DDX60L: variants seen among roughly 807,000 people sequenced by gnomAD.
The protein encoded by DDX60L is DExD/H-box 60 like.
A neutral mutation model predicts 211.6 loss-of-function variants in DDX60L; 191 were observed. The ratio of observed to expected loss-of-function variants is 0.90; its 90% CI spans 0.80 to 1.02. DDX60L has a LOEUF of 1.02. Ranked by LOEUF, DDX60L falls within the 50% of genes least tolerant of loss-of-function variation. The pLI, the probability that DDX60L is intolerant of heterozygous loss-of-function variation, is 0.00. For missense variants in DDX60L, 2,007 were observed against 1,984.1 expected (o/e 1.01, Z -0.22); for synonymous variants, 706 against 694.1 (o/e 1.02, Z -0.27).
chr4:168,469,629 A>C (rs1447350988), intron 4 of DDX60L: 1 of 152,232 alleles, frequency 6.6e-6, no homozygotes, highest in Non-Finnish European at 1.5e-5. Context: ...CTGTAATCCC[A>C]GCACTTTGGG....
At chr4:168,454,757 C>CT (rs1263885983) in intron 7 of DDX60L, among the ~76,000 whole-genome samples, 873 of 48,930 alleles carry the variant, frequency 0.018, 20 homozygotes, top group African/African-American at 0.051. Context: ...TAAACAGCTT[C>CT]CTTTTTTTTT....
In DDX60L at chr4:168,391,592, G is replaced by T; in HGVS notation, c.3863C>A (p.Ser1288Tyr). 1 of 1,598,420 alleles carries T rather than the reference G, an allele frequency of 6.3e-7. No individual in the cohort carries two copies. The highest frequency in any genetic ancestry group is 1.4e-5 in the African/African-American group (1 of 73,822). Residue 1288 changes from serine to tyrosine, a missense_variant, in exon 29 of 38, where the codon TCT becomes TAT. Physicochemically the swap from Ser to Tyr is moderately radical, Grantham distance 144 (BLOSUM62 -2). Coordinates refer to ENST00000682922, the MANE Select transcript of DDX60L (RefSeq NM_001012967.3). Reference sequence around the variant, plus strand: ...GACTGAGTCTTGGGCAAAAACAACAGATTTGCATGGCATGTGGATCCCTAA... The same window carrying T: ...GACTGAGTCTTGGGCAAAAACAACATATTTGCATGGCATGTGGATCCCTAA... ...LALGIHMPCK[S>Y]VVFAQDSVYL...
intron 13 of DDX60L, among the ~76,000 whole-genome samples, chr4:168,429,803 C>A (rs367743518): frequency 6.6e-6 from 1 of 152,154 alleles, no homozygotes; most frequent in African/African-American, 2.4e-5. Context: ...GTGACTTGTG[C>A]AAGATCTGGT....
intron 1 of DDX60L, among the ~76,000 whole-genome samples, chr4:168,476,809 A>G (rs1561152519): frequency 1.3e-5 from 2 of 152,226 alleles, no homozygotes; most frequent in Admixed American, 1.3e-4. Flanking sequence ...GGAGATAGCC[A>G]TGAAATTAGT....
chr4:168,394,007 G>A (rs891209778), intron 28 of DDX60L, among the ~76,000 whole-genome samples: 25 of 152,092 alleles, frequency 1.6e-4, no homozygotes, highest in African/African-American at 5.3e-4. Context: ...AGGCTGGCCC[G>A]TATGGTGAAA....
intron 36 of DDX60L, among the ~76,000 whole-genome samples, chr4:168,368,792 A>C (rs1224894603): frequency 1.3e-5 from 2 of 152,182 alleles, no homozygotes; most frequent in Non-Finnish European, 2.9e-5. Context: ...GAGTCAAAAG[A>C]GATCATTTTG....
chr4:168,359,157 T>C (rs572622381), intron 37 of DDX60L, among the ~76,000 whole-genome samples: 1 of 152,340 alleles, frequency 6.6e-6, no homozygotes, highest in East Asian at 1.9e-4. Context: ...TTCGTTTTCA[T>C]GCTCCACCTT....
chr4:168,456,615 TAGG>T (rs1756606673), intron 6 of DDX60L, among the ~76,000 whole-genome samples: 1 of 152,052 alleles, frequency 6.6e-6, no homozygotes, highest in Non-Finnish European at 1.5e-5. Flanking sequence ...AAAGTACAGG[TAGG>T]TATAGAATTT....
chr4:168,391,922 A>G (rs997706020), intron 28 of DDX60L, among the ~76,000 whole-genome samples: 2 of 152,138 alleles, frequency 1.3e-5, no homozygotes, highest in Non-Finnish European at 1.5e-5. Flanking sequence ...AATGTCCAAA[A>G]AGACTTCCTG....
intron 4 of DDX60L, among the ~76,000 whole-genome samples, chr4:168,463,394 T>A (rs1757573245): frequency 6.6e-6 from 1 of 152,114 alleles, no homozygotes; most frequent in African/African-American, 2.4e-5. Flanking sequence ...TGAGAACACA[T>A]GGACACATAC....
At chr4:168,402,415 G>C (rs1379075885) in intron 25 of DDX60L, among the ~76,000 whole-genome samples, 1 of 150,006 alleles carries the variant, frequency 6.7e-6, no homozygotes, top group African/African-American at 2.5e-5. Flanking sequence ...TCTATGACAA[G>C]AGTCCAGTGT....
intron 14 of DDX60L, among the ~76,000 whole-genome samples, chr4:168,425,114 C>G (rs574181963): frequency 6.6e-6 from 1 of 152,320 alleles, no homozygotes; most frequent in East Asian, 1.9e-4. Context: ...ATAGCGGAGC[C>G]TAAGTTCCCA....
intron 4 of DDX60L, among the ~76,000 whole-genome samples, chr4:168,467,509 A>G (rs1758164001): frequency 6.6e-6 from 1 of 151,224 alleles, no homozygotes; most frequent in African/African-American, 2.4e-5. Flanking sequence ...ATCTTTAGGC[A>G]ATAAGAGGAA....
chr4:168,477,959 G>A (rs1245443363), intron 1 of DDX60L, among the ~76,000 whole-genome samples: 3 of 152,164 alleles, frequency 2.0e-5, no homozygotes, highest in South Asian at 2.1e-4. Flanking sequence ...TGGACACAGC[G>A]CCTCATACCT....
chr4:168,430,416 T>C, intron 13 of DDX60L, 62 bp downstream of exon 13: 1 of 1,415,254 alleles, frequency 7.1e-7, no homozygotes, highest in Non-Finnish European at 9.4e-7. Context: ...GAGACAAATA[T>C]GAGCCTAAAG....
At chr4:168,392,339 T>C (rs1744978933) in intron 28 of DDX60L, among the ~76,000 whole-genome samples, 2 of 152,236 alleles carry the variant, frequency 1.3e-5, no homozygotes, top group African/African-American at 4.8e-5. Context: ...CTGCTCTCTC[T>C]TCCTGTCAAA....
intron 10 of DDX60L, among the ~76,000 whole-genome samples, chr4:168,436,814 A>G (rs1753098117): frequency 6.6e-6 from 1 of 152,186 alleles, no homozygotes; most frequent in Admixed American, 6.5e-5. Flanking sequence ...CAGGAGACAC[A>G]ACAATGATTC....
chr4:168,465,760 C>T (rs1757913894), intron 4 of DDX60L, among the ~76,000 whole-genome samples: 1 of 152,088 alleles, frequency 6.6e-6, no homozygotes, highest in Non-Finnish European at 1.5e-5. Context: ...TGTCCTTTCC[C>T]CAGTGAACGT....
intron 8 of DDX60L, 50 bp from the exon 9 acceptor site, chr4:168,448,829 CA>C (rs1335801753): frequency 4.5e-6 from 7 of 1,545,456 alleles, no homozygotes; most frequent in Non-Finnish European, 2.6e-6. Context: ...GGAATAATTT[CA>C]TACTCCTGGT....
Sources: gnomAD v4.1 joint callset for allele counts (sites outside exome capture counted in the v4.1 genomes callset) on GRCh38, gnomAD v4.1.1 for gene constraint, MANE v1.5 for transcripts, NCBI Gene and HGNC (gene_info 2026-07-23, HGNC 2026-07-21) for gene names.